NUTM1: variants seen among roughly 807,000 people sequenced by gnomAD.
NUTM1 encodes the protein NUT family member 1.
Under a neutral mutation model 88.7 loss-of-function variants are expected in NUTM1, and 39 were observed. That is an observed-to-expected ratio of 0.44 (90% CI 0.34 to 0.57). The LOEUF is 0.57. Ranked by LOEUF, NUTM1 falls within the 20% of genes least tolerant of loss-of-function variation. The pLI, the probability that NUTM1 is intolerant of heterozygous loss-of-function variation, is 0.01. For missense variants in NUTM1, 1,350 were observed against 1,414.5 expected (o/e 0.95, Z 0.73); for synonymous variants, 494 against 538.0 (o/e 0.92, Z 1.13).
chr15:34,356,087 G>A lies in NUTM1; in HGVS notation c.2079G>A (p.Gly693=). 2 of 1,613,652 alleles carry A rather than the reference G, an allele frequency of 1.2e-6. No individual in the cohort carries two copies. The highest frequency in any genetic ancestry group is 1.3e-5 in the African/African-American group (1 of 75,038). The change falls in exon 8 of 8, where the codon GGG becomes GGA. Residue 693 remains glycine, a synonymous_variant. Coordinates refer to ENST00000537011, the MANE Select transcript of NUTM1 (RefSeq NM_001284292.2). ...GATTGCAGAAAGGACAACAAACAGG[G>A]GGTCGTGGAGTGCTTCCTCAAGGGA... ...VLGLQKGQQT[G]GRGVLPQGKE... is the part of the protein sequence containing the mutation.
Position 34,356,790 on chromosome 15 carries a change from C to A in NUTM1, c.2782C>A (p.Pro928Thr). 6.2e-7 allele frequency: 1 copy of A among 1,611,792 alleles called. No homozygotes were observed. The highest frequency in any genetic ancestry group is 8.5e-7 in the Non-Finnish European group (1 of 1,179,580). Reference sequence around the variant, plus strand: ...TTCTCCTCTGTTGGAAACCATAGAACCTGTCAACATACTAGATGTTAAAGA... The same window carrying A: ...TTCTCCTCTGTTGGAAACCATAGAAACTGTCAACATACTAGATGTTAAAGA... ...SFSPLLETIE[P>T]VNILDVKDDC... The change falls in exon 8 of 8, where the codon CCT becomes ACT. Residue 928 changes from proline to threonine, a missense_variant. Coordinates refer to ENST00000537011, the MANE Select transcript of NUTM1 (RefSeq NM_001284292.2).
rs1291354692 is a variant in NUTM1 at position 34,357,352 on chromosome 15, C to T, written c.3344C>T (p.Thr1115Ile). The change falls in exon 8 of 8, where the codon ACA (threonine) becomes ATA (isoleucine). Residue 1115 changes from threonine (T) to isoleucine (I), a missense_variant. Thr to Ile is a moderately conservative substitution (Grantham distance 89). Transcript: ENST00000537011. ...GGAGGTCCAGCCCCTACTGAAAAGA[C>T]ACCCCACTCAGGAGCTCAACTTGGG... is the stretch of plus-strand genomic sequence containing the variant. ...LAGGPAPTEK[T>I]PHSGAQLGVP... 14 of 1,614,208 alleles carry T rather than the reference C, an allele frequency of 8.7e-6. No individual in the cohort carries two copies. The highest frequency in any genetic ancestry group is 6.6e-5 in the South Asian group (6 of 91,088).
chr15:34,349,474 T>C (rs1890668375), intron 3 of NUTM1, among the ~76,000 whole-genome samples: 1 of 152,136 alleles, frequency 6.6e-6, no homozygotes, highest in South Asian at 2.1e-4. Context: ...TCGCAAAAGG[T>C]CAAAACGTCC....
chr15:34,346,999 T>A (rs955173360), intron 2 of NUTM1, among the ~76,000 whole-genome samples: 2 of 151,486 alleles, frequency 1.3e-5, no homozygotes, highest in African/African-American at 4.9e-5. Flanking sequence ...ACTTCTTTAA[T>A]GCAGTCATTC....
Position 34,356,882 on chromosome 15 carries a change from C to T in NUTM1, c.2874C>T (p.Pro958=). ...CACTGAATGTTCATTCTTATGACCC[C>T]CAAGGAGAAGGCAGGGTGGATCCTG... is the stretch of plus-strand genomic sequence containing the variant. ...TCPLNVHSYD[P]QGEGRVDPDL... is the part of the protein sequence containing the mutation. The change falls in exon 8 of 8, where the codon CCC becomes CCT. Residue 958 remains proline, a synonymous_variant. Transcript: ENST00000537011. The T allele has an allele frequency of 1.2e-6, 2 of 1,612,984 alleles. No individual in the cohort carries two copies. Among genetic ancestry groups the T allele is most frequent in the Admixed American group, 1.7e-5 (1 of 59,796 alleles).
In NUTM1 at chr15:34,355,376, T is replaced by G. The variant is rs1890782495; in HGVS notation, c.1480-112T>G. The G allele has an allele frequency of 2.8e-6, 3 of 1,063,140 alleles. No individual in the cohort carries two copies. The highest frequency in any genetic ancestry group is 3.2e-5 in the African/African-American group (2 of 63,350). The allele number at this position is 1,063,140 out of a possible 1,614,324, so 65.9% of individuals were successfully genotyped here. The stretch of plus-strand genomic sequence containing the variant: ...CAGTATCTGTCTTTGCTACCATCGC[T>G]TAAACTACTTGCTTGCCTTCCTTGC... On this transcript the variant is annotated intron_variant, in intron 7 of 7. Coordinates refer to ENST00000537011, the MANE Select transcript of NUTM1 (RefSeq NM_001284292.2). The surrounding 1 kb of genome is among the most constrained non-coding windows in gnomAD (Gnocchi z 4.3).
intron 1 of NUTM1, among the ~76,000 whole-genome samples, chr15:34,345,506 C>G (rs947105824): frequency 1.3e-5 from 2 of 152,104 alleles, no homozygotes; most frequent in Non-Finnish European, 2.9e-5. Flanking sequence ...GTGTATAGAC[C>G]AATGTACTCT....
At position 34,355,820 on chromosome 15, in the gene NUTM1, G is replaced by A. The variant is rs369277860; in HGVS notation, c.1812G>A (p.Pro604=). ...AACTTGCAGCTCCACAGGGAACTCC[G>A]GGACCCTTGGGTGTGGAGAGGAGAG... ...QPELAAPQGT[P]GPLGVERRGS... The change falls in exon 8 of 8, where the codon CCG becomes CCA. Residue 604 remains proline, a synonymous_variant. Transcript: ENST00000537011. This position sits in a 1 kb window ranked among gnomAD's most constrained non-coding sequence, Gnocchi z 4.3. The A allele has an allele frequency of 5.9e-5, 95 of 1,614,044 alleles. No homozygotes were observed. The highest frequency in any genetic ancestry group is 7.6e-5 in the Non-Finnish European group (90 of 1,180,040).
chr15:34,356,897 G>A lies in NUTM1; in HGVS notation c.2889G>A (p.Arg963=), dbSNP rs752064124. Residue 963 remains arginine (R), a synonymous_variant, in exon 8 of 8, where the codon AGG becomes AGA. Transcript: ENST00000537011. The stretch of plus-strand genomic sequence containing the variant: ...CTTATGACCCCCAAGGAGAAGGCAG[G>A]GTGGATCCTGATCTGTCCAAGCCTA... ...VHSYDPQGEG[R]VDPDLSKPKN... The A allele has an allele frequency of 2.5e-6, 4 of 1,613,294 alleles. No homozygotes were observed. The highest frequency in any genetic ancestry group is 2.2e-5 in the South Asian group (2 of 91,024).
chr15:34,345,704 G>C (rs1387787697), intron 1 of NUTM1, among the ~76,000 whole-genome samples: 1 of 152,170 alleles, frequency 6.6e-6, no homozygotes, highest in African/African-American at 2.4e-5. Flanking sequence ...CTGAGAAAAA[G>C]TTTACAAATA....
In NUTM1 at chr15:34,357,212, C is replaced by T; in HGVS notation, c.3204C>T (p.His1068=). 1 of 1,614,192 alleles carries T rather than the reference C, an allele frequency of 6.2e-7. No individual in the cohort carries two copies. Among genetic ancestry groups the T allele is most frequent in the Non-Finnish European group, 8.5e-7 (1 of 1,180,036 alleles). ...LSPREHPLSP[H]HASGGQGSQR... ...CAAGGGAGCATCCCCTCAGTCCTCA[C>T]CATGCCTCAGGAGGTCAGGGCAGCC... The change falls in exon 8 of 8, where the codon CAC becomes CAT. Residue 1068 remains histidine, a synonymous_variant. Transcript: ENST00000537011.
intron 1 of NUTM1, among the ~76,000 whole-genome samples, chr15:34,344,246 C>T (rs1890541215): frequency 6.7e-6 from 1 of 150,176 alleles, no homozygotes; most frequent in Admixed American, 6.6e-5. Flanking sequence ...GGCGCGGTGG[C>T]TCACGCCTGT....
chr15:34,356,484 G>A lies in NUTM1; in HGVS notation c.2476G>A (p.Glu826Lys), dbSNP rs1167658429. 1 of 1,613,896 alleles carries A rather than the reference G, an allele frequency of 6.2e-7. No homozygotes were observed. Among genetic ancestry groups the A allele is most frequent in the East Asian group, 2.2e-5 (1 of 44,864 alleles). Residue 826 changes from glutamate (E) to lysine (K), a missense_variant, in exon 8 of 8, where the codon GAA (glutamate) becomes AAA (lysine). Transcript: ENST00000537011. ...AGGCACAGTTGCGGCAGCTGCCCTA[G>A]AAAAGAGAAACTATTGCAGCTTGCC... is the stretch of plus-strand genomic sequence containing the variant. ...CGGTVAAAALEKRNYCSLPGP... is the reference protein window; with the variant it reads ...CGGTVAAAALKKRNYCSLPGP...
At chr15:34,345,861 C>CCTTG in intron 1 of NUTM1, 81 bp from the exon 2 acceptor site, 1 of 1,545,538 alleles carries the variant, frequency 6.5e-7, no homozygotes, top group Non-Finnish European at 8.7e-7. Context: ...CAGCAGAATG[C>CCTTG]CTTGAGTTCC....
chr15:34,353,395 G>A (rs1478349211), intron 4 of NUTM1, among the ~76,000 whole-genome samples: 8 of 151,248 alleles, frequency 5.3e-5, no homozygotes, highest in Non-Finnish European at 1.2e-4. Context: ...GGTTTTTGCC[G>A]TGTTACCCAG....
At chr15:34,349,116 G>A (rs1215912384) in intron 3 of NUTM1, among the ~76,000 whole-genome samples, 3 of 152,182 alleles carry the variant, frequency 2.0e-5, no homozygotes, top group African/African-American at 7.2e-5. Flanking sequence ...GTGGCAGGGG[G>A]AACAGTGTGG....
rs1003290814 is a variant in NUTM1 at position 34,343,345 on chromosome 15, G to C, written c.-352G>C. 2.4e-5 allele frequency: 15 copies of C among 616,174 alleles called. No individual in the cohort carries two copies. The highest frequency in any genetic ancestry group is 1.5e-4 in the South Asian group (8 of 52,494). The allele number at this position is 616,174 out of a possible 1,614,324, so 38.2% of individuals were successfully genotyped here. A position where few individuals can be genotyped will look rare whatever the true frequency, so the allele number is the denominator to read the frequency against. On this transcript the variant is annotated 5_prime_UTR_variant, in exon 1 of 8. Coordinates refer to ENST00000537011, the MANE Select transcript of NUTM1 (RefSeq NM_001284292.2). Reference sequence around the variant, plus strand: ...GTGTGCTAGGTACACGGCGTTAGAGGGGGGTAGGGATGGATGTGGATAGAA... The same window carrying C: ...GTGTGCTAGGTACACGGCGTTAGAGCGGGGTAGGGATGGATGTGGATAGAA...
chr15:34,351,251 A>G (rs1433992379), intron 4 of NUTM1, among the ~76,000 whole-genome samples: 3 of 146,682 alleles, frequency 2.0e-5, no homozygotes, highest in African/African-American at 7.7e-5. Context: ...AAAAAAAAAA[A>G]AAAAAAAAAA....
In NUTM1 at chr15:34,355,338, T is replaced by C. The variant is rs971227121; in HGVS notation, c.1480-150T>C. Reference sequence around the variant, plus strand: ...AGCATGGGAATAAGGCACAAGAAGGTGGGAAAGAGCTGCAGTATCTGTCTT... The same window carrying C: ...AGCATGGGAATAAGGCACAAGAAGGCGGGAAAGAGCTGCAGTATCTGTCTT... On this transcript the variant is annotated intron_variant, in intron 7 of 7. Transcript: ENST00000537011. The surrounding 1 kb of genome is among the most constrained non-coding windows in gnomAD (Gnocchi z 4.3). 12 of 766,460 alleles carry C rather than the reference T, an allele frequency of 1.6e-5. No individual in the cohort carries two copies. The African/African-American group carries it at 1.9e-4, about 12-fold the overall frequency. 47.5% of individuals were successfully genotyped at this position (766,460 alleles called of 1,614,324 possible). A position where few individuals can be genotyped will look rare whatever the true frequency, so the allele number is the denominator to read the frequency against.
Sources: allele counts gnomAD v4.1 joint callset (sites outside exome capture counted in the v4.1 genomes callset), GRCh38; gene constraint gnomAD v4.1.1; non-coding constraint Gnocchi (gnomAD v3.1); transcripts MANE v1.5; gene names NCBI Gene and HGNC (gene_info 2026-07-23, HGNC 2026-07-21).